Variants in WDR25 observed in about 807,000 individuals in gnomAD.
WDR25 encodes the protein WD repeat domain 25.
WDR25 carries 35 observed loss-of-function variants against 47.7 expected under a neutral mutation model. The observed-to-expected ratio is 0.73, with a 90% CI of 0.56 to 0.97. The LOEUF (loss-of-function observed/expected upper bound fraction) is 0.97. Among genes scored for constraint, WDR25 ranks in the 50% least tolerant of loss-of-function variants. The pLI is 0.00. For missense variants in WDR25, 634 were observed against 704.7 expected, an observed-to-expected ratio of 0.90 and a Z score of 1.14; for synonymous variants, 248 against 278.9, an observed-to-expected ratio of 0.89 and a Z score of 1.10.
chr14:100,500,426 A>G lies in WDR25; in HGVS notation c.1101+16302A>G, dbSNP rs527275232. On this transcript the variant is annotated intron_variant, in intron 4 of 6. Coordinates refer to ENST00000402312, the MANE Select transcript of WDR25 (RefSeq NM_001161476.3). The surrounding 1 kb of genome is among the most constrained non-coding windows in gnomAD (Gnocchi z 4.7). The stretch of plus-strand genomic sequence containing the variant: ...GGAGGGTGGAGAAGGAGGGGTGGGG[A>G]TGGTCAGATGGAGGCATGCCGGGCA... 3.3e-5 allele frequency among the ~76,000 whole-genome samples: 5 copies of G among 151,980 alleles called. No homozygotes were observed. The highest frequency in any genetic ancestry group is 3.3e-4 in the Admixed American group (5 of 15,266).
At chr14:100,519,594 T>A (rs2140378909) in intron 4 of WDR25, among the ~76,000 whole-genome samples, 1 of 150,288 alleles carries the variant, frequency 6.7e-6, no homozygotes, top group Admixed American at 6.7e-5. Context: ...CCATGGTAAG[T>A]AGAGATATGG....
Position 100,381,442 on chromosome 14 carries a change from T to G in WDR25, c.518T>G (p.Val173Gly). 1 of 1,614,202 alleles carries G rather than the reference T, an allele frequency of 6.2e-7. No individual in the cohort carries two copies. The highest frequency in any genetic ancestry group is 8.5e-7 in the Non-Finnish European group (1 of 1,180,046). ...SFQKKKCEDC[V>G]VPYTPRRLRQ... ...CAGAAGAAAAAATGTGAGGACTGTG[T>G]GGTACCCTATACTCCCAGAAGACTA... The change falls in exon 2 of 7, where the codon GTG becomes GGG. Residue 173 changes from valine to glycine, a missense_variant. Physicochemically the swap from Val to Gly is moderately radical, Grantham distance 109. Coordinates refer to ENST00000402312, the MANE Select transcript of WDR25 (RefSeq NM_001161476.3).
chr14:100,437,004 G>T (rs1271538207), intron 2 of WDR25, among the ~76,000 whole-genome samples: 1 of 152,212 alleles, frequency 6.6e-6, no homozygotes, highest in African/African-American at 2.4e-5. Flanking sequence ...GAGCACTGAA[G>T]GCCTTTTAGC....
rs1050022217 is a variant in WDR25 at position 100,502,824 on chromosome 14, A to C, written c.1101+18700A>C. Among the ~76,000 whole-genome samples, 2 of 152,160 alleles carry C rather than the reference A, an allele frequency of 1.3e-5. No individual in the cohort carries two copies. The highest frequency in any genetic ancestry group is 1.5e-5 in the Non-Finnish European group (1 of 68,030). ...TTCAAAGGATACATAGGAGTTTTCTAGGCAGCAAGTCAAGGTAGGGTATTT... is the reference window on the plus strand; with the variant it reads ...TTCAAAGGATACATAGGAGTTTTCTCGGCAGCAAGTCAAGGTAGGGTATTT... On this transcript the variant is annotated intron_variant, in intron 4 of 6. Transcript: ENST00000402312. This position sits in a 1 kb window ranked among gnomAD's most constrained non-coding sequence, Gnocchi z 4.5.
Position 100,488,442 on chromosome 14 carries a change from C to T in WDR25, c.1101+4318C>T, listed in dbSNP as rs940202763. ...CTGAGCTGCAGGAGACCTGGGCTCA[C>T]GTCCTCCCTCTGCTACTTGCTTGGC... On this transcript the variant is annotated intron_variant, in intron 4 of 6. Transcript: ENST00000402312. This position sits in a 1 kb window ranked among gnomAD's most constrained non-coding sequence, Gnocchi z 4.2. Among the ~76,000 whole-genome samples, 15 of 152,116 alleles carry T rather than the reference C, an allele frequency of 9.9e-5. No homozygotes were observed. Among genetic ancestry groups the T allele is most frequent in the African/African-American group, 2.9e-4 (12 of 41,430 alleles).
At chr14:100,519,781 T>C (rs1901642740) in intron 4 of WDR25, among the ~76,000 whole-genome samples, 1 of 141,052 alleles carries the variant, frequency 7.1e-6, no homozygotes, top group Non-Finnish European at 1.5e-5. Context: ...ATATATAGTA[T>C]ATATACTATA....
chr14:100,440,333 C>T lies in WDR25; in HGVS notation c.823-27688C>T, dbSNP rs985017570. On this transcript the variant is annotated intron_variant, in intron 2 of 6. Coordinates refer to ENST00000402312, the MANE Select transcript of WDR25 (RefSeq NM_001161476.3). The surrounding 1 kb of genome is among the most constrained non-coding windows in gnomAD (Gnocchi z 4.4). ...CTACTCTCAAAATGCAGACAGGCAG[C>T]CACAGTCAGGGAGCCCTTCGGCCAC... 2.0e-5 allele frequency among the ~76,000 whole-genome samples: 3 copies of T among 152,244 alleles called. No individual in the cohort carries two copies. Among genetic ancestry groups the T allele is most frequent in the Admixed American group, 2.0e-4 (3 of 15,292 alleles).
chr14:100,411,436 A>G (rs1489027521), intron 2 of WDR25, among the ~76,000 whole-genome samples: 3 of 152,150 alleles, frequency 2.0e-5, no homozygotes, highest in East Asian at 3.8e-4. Flanking sequence ...CAACTTAAAT[A>G]CTTATGTTGT....
At chr14:100,512,938 C>G (rs1410464397) in intron 4 of WDR25, among the ~76,000 whole-genome samples, 2 of 152,154 alleles carry the variant, frequency 1.3e-5, no homozygotes, top group African/African-American at 4.8e-5. Flanking sequence ...ATTGTGGTCA[C>G]AGTACATACA....
At chr14:100,426,449 A>G (rs1239395159) in intron 2 of WDR25, among the ~76,000 whole-genome samples, 1 of 152,372 alleles carries the variant, frequency 6.6e-6, no homozygotes, top group Non-Finnish European at 1.5e-5. Context: ...ATCTTCGACA[A>G]TGGCACTGTG....
chr14:100,491,392 C>T (rs1360776358), intron 4 of WDR25, among the ~76,000 whole-genome samples: 11 of 152,222 alleles, frequency 7.2e-5, no homozygotes, highest in Non-Finnish European at 1.2e-4. Context: ...TCATGCACCA[C>T]ATAATGACGT....
intron 2 of WDR25, among the ~76,000 whole-genome samples, chr14:100,464,410 T>G (rs1013729520): frequency 2.0e-5 from 3 of 152,204 alleles, no homozygotes; most frequent in African/African-American, 4.8e-5. Context: ...GGATTTTTAT[T>G]TGTTCAGTGT....
At chr14:100,521,545 T>C (rs896173977) in intron 4 of WDR25, among the ~76,000 whole-genome samples, 1 of 152,354 alleles carries the variant, frequency 6.6e-6, no homozygotes, top group African/African-American at 2.4e-5. Context: ...TTTTTTTCAC[T>C]GAACAATGTG....
At chr14:100,405,657 G>A (rs569954171) in intron 2 of WDR25, among the ~76,000 whole-genome samples, 10 of 152,390 alleles carry the variant, frequency 6.6e-5, no homozygotes, top group Non-Finnish European at 1.0e-4. Flanking sequence ...ACATGCAAGG[G>A]CAGAAGCAGA....
At chr14:100,388,893 C>T (rs977872552) in intron 2 of WDR25, among the ~76,000 whole-genome samples, 12 of 152,190 alleles carry the variant, frequency 7.9e-5, no homozygotes, top group African/African-American at 2.9e-4. Context: ...CCTCTGTCCT[C>T]GAGAAGCAAG....
chr14:100,405,168 C>CTTTTTTTTTTT (rs35414565), intron 2 of WDR25, among the ~76,000 whole-genome samples: 2 of 146,260 alleles, frequency 1.4e-5, no homozygotes, highest in African/African-American at 5.3e-5. Flanking sequence ...TCTGCCCCAT[C>CTTTTTTTTTTT]TTTTTTTTTT....
intron 3 of WDR25, among the ~76,000 whole-genome samples, chr14:100,477,829 C>T (rs1307677609): frequency 7.9e-5 from 12 of 152,304 alleles, no homozygotes; most frequent in East Asian, 7.7e-4. Flanking sequence ...CCGTGGCTCA[C>T]GCCTGAAATC....
intron 2 of WDR25, among the ~76,000 whole-genome samples, chr14:100,408,415 T>C (rs1897607761): frequency 6.6e-6 from 1 of 152,110 alleles, no homozygotes; most frequent in Non-Finnish European, 1.5e-5. Context: ...CACAACTCTG[T>C]GTGGAGGGGT....
At position 100,488,488 on chromosome 14, in the gene WDR25, C is replaced by G. The variant is rs1055535543; in HGVS notation, c.1101+4364C>G. ...TTGGCTGGGTGATTTCGGCCACATT[C>G]CTTAAGCAAAAGCCTCTCTGATTCA... On this transcript the variant is annotated intron_variant, in intron 4 of 6. Transcript: ENST00000402312. The surrounding 1 kb of genome is among the most constrained non-coding windows in gnomAD (Gnocchi z 4.2). 2.0e-5 allele frequency among the ~76,000 whole-genome samples: 3 copies of G among 152,176 alleles called. No homozygotes were observed. The highest frequency in any genetic ancestry group is 4.4e-5 in the Non-Finnish European group (3 of 68,042).
Sources: gnomAD v4.1 joint callset for allele counts (sites outside exome capture counted in the v4.1 genomes callset) on GRCh38, gnomAD v4.1.1 for gene constraint, Gnocchi (gnomAD v3.1) non-coding constraint, MANE v1.5 for transcripts, NCBI Gene and HGNC (gene_info 2026-07-23, HGNC 2026-07-21) for gene names.